The following VGLL4 variants were observed in gnomAD, a reference collection of about 807,000 sequenced individuals.
The protein encoded by VGLL4 is vestigial like family member 4.
In VGLL4, 7 loss-of-function variants were observed where a neutral mutation model predicts 21.0. The ratio of observed to expected loss-of-function variants is 0.33; its 90% confidence interval spans 0.19 to 0.63. VGLL4 has a LOEUF of 0.63. VGLL4 is among the 20% of genes least tolerant of loss of function. VGLL4 has a pLI of 0.78. For missense variants in VGLL4, 394 were observed against 425.7 expected, an observed-to-expected ratio of 0.93 and a Z score of 0.66; for synonymous variants, 222 against 173.2, an observed-to-expected ratio of 1.28 and a Z score of -2.21.
intron 2 of VGLL4, among the ~76,000 whole-genome samples, chr3:11,695,876 A>T (rs543052437): frequency 6.6e-6 from 1 of 152,200 alleles, no homozygotes; most frequent in Non-Finnish European, 1.5e-5. Context: ...AACTATCCGA[A>T]ATGATCACAG....
intron 1 of VGLL4, 95 bp downstream of exon 1, chr3:11,643,342 G>C (rs1314074734): frequency 3.1e-6 from 5 of 1,595,214 alleles, no homozygotes; most frequent in Middle Eastern, 1.7e-4. Context: ...CACCCCGGAG[G>C]AGGACAGCGG....
chr3:11,683,631 C>G (rs2125384025), intron 2 of VGLL4, among the ~76,000 whole-genome samples: 1 of 151,686 alleles, frequency 6.6e-6, no homozygotes, highest in South Asian at 2.1e-4. Flanking sequence ...CTGTGTCAAC[C>G]AAAAATACAA....
chr3:11,689,126 T>C (rs2076490308), intron 2 of VGLL4, among the ~76,000 whole-genome samples: 1 of 152,212 alleles, frequency 6.6e-6, no homozygotes, highest in Admixed American at 6.5e-5. Flanking sequence ...TGTTCTTAAC[T>C]GAAAACAGAG....
At chr3:11,671,263 A>G (rs1244954790) in intron 2 of VGLL4, 1 of 1,569,292 alleles carries the variant, frequency 6.4e-7, no homozygotes, top group African/African-American at 1.4e-5. Flanking sequence ...CATTTTTACC[A>G]TGGTGCAGAC....
At chr3:11,655,026 G>A (rs1389132868) in intron 2 of VGLL4, among the ~76,000 whole-genome samples, 1 of 152,102 alleles carries the variant, frequency 6.6e-6, no homozygotes, top group East Asian at 1.9e-4. Flanking sequence ...TTCTATTTGA[G>A]GCTTCTATTT....
At chr3:11,675,163 G>A (rs112000873) in intron 2 of VGLL4, among the ~76,000 whole-genome samples, 2,481 of 152,226 alleles carry the variant, frequency 0.016, 29 homozygotes, top group Non-Finnish European at 0.025. Context: ...CCAACATGGC[G>A]AAAACCTGTC....
rs61220485 is a variant in VGLL4 at position 11,684,730 on chromosome 3, CTG to C, written c.64+18239_64+18240del. On this transcript the variant is annotated intron_variant, in intron 2 of 5. Coordinates refer to the VGLL4 transcript ENST00000273038. ...ACTGGCCAACTGTTTCAACCTTTTT[CTG>C]TGTGTGTGTGTGTGTGTGTGTGTGT... Among the ~76,000 whole-genome samples, 913 of 148,710 alleles carry C rather than the reference CTG, an allele frequency of 6.1e-3. 5 individuals carry two copies. The highest frequency in any genetic ancestry group is 0.02 in the African/African-American group (818 of 40,410).
chr3:11,583,198 T>A (rs958967441), intron 2 of VGLL4, among the ~76,000 whole-genome samples: 1 of 152,166 alleles, frequency 6.6e-6, no homozygotes, highest in Non-Finnish European at 1.5e-5. Flanking sequence ...GTAACACCAA[T>A]TGAAGCACCA....
At chr3:11,607,632 GA>G (rs1189979966) in intron 1 of VGLL4, among the ~76,000 whole-genome samples, 1 of 152,092 alleles carries the variant, frequency 6.6e-6, no homozygotes, top group Non-Finnish European at 1.5e-5. Flanking sequence ...TCCAAAATAA[GA>G]ATATATTTAT....
intron 1 of VGLL4, among the ~76,000 whole-genome samples, chr3:11,642,563 G>T (rs1395724537): frequency 6.6e-6 from 1 of 152,228 alleles, no homozygotes; most frequent in African/African-American, 2.4e-5. Context: ...CTTCCTGCCA[G>T]GCCGAACTCC....
At chr3:11,582,271 G>A in intron 2 of VGLL4, 1 of 1,605,912 alleles carries the variant, frequency 6.2e-7, no homozygotes, top group Non-Finnish European at 8.5e-7. Context: ...AAATGAAAGG[G>A]TTCTTGGTAC....
chr3:11,664,446 C>T (rs2076080927), intron 2 of VGLL4, among the ~76,000 whole-genome samples: 1 of 152,188 alleles, frequency 6.6e-6, no homozygotes, highest in African/African-American at 2.4e-5. Context: ...ATCACCTCTG[C>T]TTTCTGAAGC....
intron 1 of VGLL4, among the ~76,000 whole-genome samples, chr3:11,717,721 T>C (rs1164189507): frequency 6.6e-6 from 1 of 152,154 alleles, no homozygotes; most frequent in African/African-American, 2.4e-5. Context: ...AGTCATAATT[T>C]TAAATCAGTT....
chr3:11,682,030 G>A (rs1173169025), intron 2 of VGLL4, among the ~76,000 whole-genome samples: 2 of 152,110 alleles, frequency 1.3e-5, no homozygotes, highest in Non-Finnish European at 2.9e-5. Context: ...GAGGCCAAGT[G>A]GGTGGATCAC....
chr3:11,601,320 G>A (rs919332415), intron 2 of VGLL4, among the ~76,000 whole-genome samples: 6 of 152,202 alleles, frequency 3.9e-5, no homozygotes, highest in Non-Finnish European at 8.8e-5. Flanking sequence ...CCCTTTATGG[G>A]AAGGTCCCAA....
chr3:11,652,012 T>C (rs1315876569), intron 2 of VGLL4, among the ~76,000 whole-genome samples: 2 of 152,190 alleles, frequency 1.3e-5, no homozygotes, highest in African/African-American at 4.8e-5. Context: ...TTCTATTAAG[T>C]AGCGACTGAT....
Position 11,556,929 on chromosome 3 carries a change from G to A in VGLL4, c.*1627C>T, listed in dbSNP as rs1311908151. On this transcript the variant is annotated 3_prime_UTR_variant, in exon 5 of 5. Coordinates refer to ENST00000430365, the MANE Select transcript of VGLL4 (RefSeq NM_001128219.3). ...TTTCAAAGGCCTGCAGCCACTCTGT[G>A]ACTACAAGAGCCAGTCCTCCGACCT... 6.5e-6 allele frequency: 1 copy of A among 152,754 alleles called. No homozygotes were observed. The highest frequency in any genetic ancestry group is 1.9e-4 in the East Asian group (1 of 5,320). 9.5% of individuals were successfully genotyped at this position (152,754 alleles called of 1,614,324 possible). A position where few individuals can be genotyped will look rare whatever the true frequency, so the allele number is the denominator to read the frequency against.
At chr3:11,597,898 G>C (rs544329158) in intron 2 of VGLL4, among the ~76,000 whole-genome samples, 1 of 152,184 alleles carries the variant, frequency 6.6e-6, no homozygotes, top group East Asian at 1.9e-4. Context: ...AAATACACCA[G>C]GTCCTAAGAG....
At chr3:11,578,484 G>A (rs11712666) in intron 2 of VGLL4, among the ~76,000 whole-genome samples, 50,033 of 151,518 alleles carry the variant, frequency 0.33, 10,022 homozygotes, top group Non-Finnish European at 0.47. Flanking sequence ...GGACTTCTCC[G>A]TACTACAGGA....
Sources: allele counts gnomAD v4.1 joint callset (sites outside exome capture counted in the v4.1 genomes callset), GRCh38; gene constraint gnomAD v4.1.1; transcripts MANE v1.5; gene names NCBI Gene and HGNC (gene_info 2026-07-23, HGNC 2026-07-21).